Variants in PDIA5 observed in about 807,000 individuals in gnomAD.
PDIA5 encodes protein disulfide isomerase family A member 5.
A neutral mutation model predicts 77.6 loss-of-function variants in PDIA5; 58 were observed. That is an observed-to-expected ratio of 0.75 (90% CI 0.61 to 0.93). The LOEUF is 0.93. Among genes scored for constraint, PDIA5 ranks in the 40% least tolerant of loss-of-function variants. The probability of loss-of-function intolerance (pLI) is 0.00; values close to 1 mark genes in which losing one functional copy is unlikely to be tolerated. For synonymous variants in PDIA5, 250 were observed against 252.1 expected, an observed-to-expected ratio of 0.99 and a Z score of 0.08; for missense variants, 630 against 647.7, an observed-to-expected ratio of 0.97 and a Z score of 0.30.
At chr3:123,132,653 G>A (rs552035414) in intron 11 of PDIA5, among the ~76,000 whole-genome samples, 1 of 152,322 alleles carries the variant, frequency 6.6e-6, no homozygotes, top group African/African-American at 2.4e-5. Flanking sequence ...GCACTGCAGT[G>A]CTCTTCCTAG....
chr3:123,148,863 G>A lies in PDIA5; in HGVS notation c.1143-1371G>A, dbSNP rs865965157. On this transcript the variant is annotated intron_variant, in intron 13 of 16. Coordinates refer to ENST00000316218, the MANE Select transcript of PDIA5 (RefSeq NM_006810.4). ...GTGAACAGCCGATGGCTCGGGGGTG[G>A]AGAACTGAGACTCGTCACCCAGAAG... Among the ~76,000 whole-genome samples, 3 of 152,346 alleles carry A rather than the reference G, an allele frequency of 2.0e-5. No individual in the cohort carries two copies. In the South Asian group the frequency reaches 6.2e-4, roughly 32 times the overall value.
At chr3:123,101,185 A>C (rs1255408858) in intron 3 of PDIA5, among the ~76,000 whole-genome samples, 3 of 152,220 alleles carry the variant, frequency 2.0e-5, no homozygotes, top group Non-Finnish European at 4.4e-5. Context: ...AGCTAGTCTA[A>C]TGCAATGAGT....
chr3:123,085,654 TGGGCAGATGAGCTCTGG>T (rs1398600156), intron 1 of PDIA5, among the ~76,000 whole-genome samples: 1 of 152,174 alleles, frequency 6.6e-6, no homozygotes, highest in Non-Finnish European at 1.5e-5. Context: ...CACCGCTGCC[TGGGCAGATGAGCTCTGG>T]GCTCACCCTC....
intron 4 of PDIA5, 54 bp downstream of exon 4, chr3:123,102,548 G>T: frequency 7.6e-7 from 1 of 1,308,288 alleles, no homozygotes; most frequent in Non-Finnish European, 1.1e-6. Context: ...TGCTTTCATT[G>T]GTATTTTCAG....
intron 1 of PDIA5, among the ~76,000 whole-genome samples, chr3:123,088,464 A>G (rs1934197973): frequency 6.6e-6 from 1 of 152,126 alleles, no homozygotes; most frequent in African/African-American, 2.4e-5. Flanking sequence ...TTCTCTGTGT[A>G]TTTTATGCTT....
At chr3:123,149,708 A>C (rs937572032) in intron 13 of PDIA5, among the ~76,000 whole-genome samples, 1 of 152,192 alleles carries the variant, frequency 6.6e-6, no homozygotes, top group African/African-American at 2.4e-5. Context: ...CATTGTCCTC[A>C]TTTAACAGAA....
intron 1 of PDIA5, among the ~76,000 whole-genome samples, chr3:123,085,762 C>T (rs1304831617): frequency 2.0e-5 from 3 of 152,190 alleles, no homozygotes; most frequent in Admixed American, 2.0e-4. Context: ...GACTACAGGT[C>T]AGAGTCCTGA....
intron 10 of PDIA5, among the ~76,000 whole-genome samples, chr3:123,124,626 G>T (rs910682564): frequency 2.6e-5 from 4 of 152,184 alleles, no homozygotes; most frequent in African/African-American, 4.8e-5. Context: ...CCGTCTCCAC[G>T]GGTTGGAACT....
intron 5 of PDIA5, among the ~76,000 whole-genome samples, chr3:123,103,708 C>T (rs1211147505): frequency 1.3e-5 from 2 of 152,200 alleles, no homozygotes; most frequent in Admixed American, 1.3e-4. Context: ...TAAATTGCTA[C>T]AGCGTTCACC....
intron 2 of PDIA5, among the ~76,000 whole-genome samples, chr3:123,090,134 G>A (rs569949767): frequency 2.0e-5 from 3 of 152,198 alleles, no homozygotes; most frequent in Admixed American, 6.5e-5. Flanking sequence ...GGCTCCAGAC[G>A]TGCCTGCATC....
Position 123,150,215 on chromosome 3 carries a change from C to T in PDIA5, c.1143-19C>T. 1.3e-6 allele frequency: 2 copies of T among 1,598,544 alleles called. No homozygotes were observed. Among genetic ancestry groups the T allele is most frequent in the Non-Finnish European group, 1.7e-6 (2 of 1,170,664 alleles). ...ATCTCTCCTTATGGCTGCCTCCCCA[C>T]TCCCCTGGCTTCTTGCAGCCCTGAG... On this transcript the variant is annotated intron_variant, in intron 13 of 16. Transcript: ENST00000316218.
At chr3:123,098,655 G>A (rs1360072520) in intron 3 of PDIA5, among the ~76,000 whole-genome samples, 1 of 152,212 alleles carries the variant, frequency 6.6e-6, no homozygotes, top group Non-Finnish European at 1.5e-5. Flanking sequence ...GTGAGGTGGG[G>A]AGGGATAGGC....
chr3:123,134,563 C>T (rs1039744461), intron 11 of PDIA5, among the ~76,000 whole-genome samples: 3 of 152,178 alleles, frequency 2.0e-5, no homozygotes, highest in African/African-American at 7.2e-5. Context: ...TTACCCTCTT[C>T]CCAGCACTCC....
intron 11 of PDIA5, among the ~76,000 whole-genome samples, chr3:123,142,895 C>A (rs1309911967): frequency 1.3e-5 from 2 of 152,176 alleles, no homozygotes; most frequent in Non-Finnish European, 2.9e-5. Context: ...CTAACTTGCC[C>A]ACATGTGTCC....
chr3:123,083,652 T>C (rs1197519717), intron 1 of PDIA5, among the ~76,000 whole-genome samples: 1 of 152,196 alleles, frequency 6.6e-6, no homozygotes, highest in African/African-American at 2.4e-5. Context: ...ACTTCTCAAA[T>C]CCTGCCCTCT....
At chr3:123,126,475 G>T (rs1935248792) in intron 10 of PDIA5, among the ~76,000 whole-genome samples, 1 of 152,036 alleles carries the variant, frequency 6.6e-6, no homozygotes, top group Non-Finnish European at 1.5e-5. Context: ...ACTAAGATAG[G>T]CTTATTATAG....
At chr3:123,135,979 A>G (rs1935492960) in intron 11 of PDIA5, among the ~76,000 whole-genome samples, 1 of 145,490 alleles carries the variant, frequency 6.9e-6, no homozygotes, top group Non-Finnish European at 1.5e-5. Flanking sequence ...TTCTTTTTTT[A>G]GAGACAGGGT....
intron 7 of PDIA5, among the ~76,000 whole-genome samples, chr3:123,112,747 A>T (rs1464155669): frequency 6.6e-6 from 1 of 151,718 alleles, no homozygotes; most frequent in African/African-American, 2.4e-5. Context: ...TTTAGTAGAG[A>T]TGGGGCTTCA....
At chr3:123,145,105 G>A (rs1322356227) in intron 11 of PDIA5, 3 of 162,772 alleles carry the variant, frequency 1.8e-5, no homozygotes, top group Non-Finnish European at 4.0e-5. Flanking sequence ...TGCAGCTAGG[G>A]CCTCTCACCA....
Sources: gnomAD v4.1 joint callset for allele counts (sites outside exome capture counted in the v4.1 genomes callset) on GRCh38, gnomAD v4.1.1 for gene constraint, MANE v1.5 for transcripts, NCBI Gene and HGNC (gene_info 2026-07-23, HGNC 2026-07-21) for gene names.